Variants in TUBGCP3 observed in about 807,000 individuals in gnomAD.
The protein encoded by TUBGCP3 is gamma-tubulin complex component 3.
In TUBGCP3, 50 loss-of-function variants were observed where a neutral mutation model predicts 123.1. The ratio of observed to expected loss-of-function variants is 0.41; its 90% CI spans 0.32 to 0.51. The LOEUF is 0.51. TUBGCP3 is among the 20% of genes least tolerant of loss of function. TUBGCP3 has a pLI of 0.36. For synonymous variants in TUBGCP3, 405 were observed against 413.9 expected (o/e 0.98, Z 0.26); for missense variants, 882 against 1,127.0 (o/e 0.78, Z 3.11).
At chr13:112,506,184 G>A (rs1250675141) in intron 17 of TUBGCP3, among the ~76,000 whole-genome samples, 2 of 152,202 alleles carry the variant, frequency 1.3e-5, no homozygotes, top group Admixed American at 6.5e-5. Flanking sequence ...AAATTCATTT[G>A]TTAAAGAGAG....
intron 17 of TUBGCP3, 124 bp from the exon 18 acceptor site, chr13:112,504,838 C>A: frequency 1.3e-6 from 1 of 775,884 alleles, no homozygotes; most frequent in Non-Finnish European, 2.1e-6. Flanking sequence ...TTCTTGACCC[C>A]TTAACAGGAA....
chr13:112,597,837 C>G, the TUBGCP3 span, among the ~76,000 whole-genome samples: 1 of 151,916 alleles, frequency 6.6e-6, no homozygotes, highest in Non-Finnish European at 1.5e-5. Context: ...GCATAACATT[C>G]ATATAATTGG....
At chr13:112,560,429 CAAA>C (rs771690825) in intron 3 of TUBGCP3, among the ~76,000 whole-genome samples, 2 of 97,614 alleles carry the variant, frequency 2.0e-5, no homozygotes, top group African/African-American at 3.9e-5. Context: ...GACTCCGTCT[CAAA>C]AAAAAAAAAA....
At chr13:112,593,582 A>G in the TUBGCP3 span, among the ~76,000 whole-genome samples, 1 of 152,174 alleles carries the variant, frequency 6.6e-6, no homozygotes, top group African/African-American at 2.4e-5. Context: ...CTGAGACAGA[A>G]GAATCCTTTG....
At chr13:112,594,069 A>G in the TUBGCP3 span, among the ~76,000 whole-genome samples, 1 of 152,238 alleles carries the variant, frequency 6.6e-6, no homozygotes, top group Non-Finnish European at 1.5e-5. Flanking sequence ...GATCTGAGCC[A>G]AATGGCTTCA....
At chr13:112,506,718 C>A (rs1356558291) in intron 17 of TUBGCP3, among the ~76,000 whole-genome samples, 1 of 152,232 alleles carries the variant, frequency 6.6e-6, no homozygotes, top group African/African-American at 2.4e-5. Context: ...CTTTTCCCTA[C>A]TAAAACTATA....
rs747147460 is a variant in TUBGCP3 at position 112,554,932 on chromosome 13, G to A, written c.795C>T (p.Asn265=). The change falls in exon 7 of 22, where the codon AAC becomes AAT. Residue 265 remains asparagine (N), a synonymous_variant. Coordinates refer to ENST00000261965, the MANE Select transcript of TUBGCP3 (RefSeq NM_006322.6). ...LYVFQGIDGK[N]IKMNNTENCY... ...AATTTTCAGTGTTGTTCATTTTGAT[G>A]TTTTTGCCATCTATGCCCTGAAAGA... 3.7e-6 allele frequency: 6 copies of A among 1,613,054 alleles called. No individual in the cohort carries two copies. The highest frequency in any genetic ancestry group is 1.6e-4 in the Middle Eastern group (1 of 6,062).
At chr13:112,493,601 G>A (rs775562347) in intron 20 of TUBGCP3, among the ~76,000 whole-genome samples, 1 of 145,398 alleles carries the variant, frequency 6.9e-6, no homozygotes, top group Non-Finnish European at 1.5e-5. Context: ...GGCCTGGTGT[G>A]CCTGAGATGC....
intron 18 of TUBGCP3, 77 bp downstream of exon 18, chr13:112,504,549 T>A (rs763888305): frequency 7.4e-5 from 17 of 230,954 alleles, no homozygotes; most frequent in Non-Finnish European, 1.1e-4. Context: ...TACATACACA[T>A]ATATATATAT....
At chr13:112,532,428 G>A (rs1436724985) in intron 11 of TUBGCP3, among the ~76,000 whole-genome samples, 1 of 152,148 alleles carries the variant, frequency 6.6e-6, no homozygotes, top group Non-Finnish European at 1.5e-5. Context: ...GTAAACATTT[G>A]AATCAAGTCT....
At chr13:112,502,487 C>G (rs1029397548) in intron 19 of TUBGCP3, among the ~76,000 whole-genome samples, 3 of 151,816 alleles carry the variant, frequency 2.0e-5, no homozygotes, top group Non-Finnish European at 2.9e-5. Context: ...GATAACAAGA[C>G]CAGGGTTAGT....
intron 18 of TUBGCP3, among the ~76,000 whole-genome samples, chr13:112,504,395 G>C (rs1351238493): frequency 6.6e-6 from 1 of 151,236 alleles, no homozygotes; most frequent in African/African-American, 2.4e-5. Context: ...GTCTGAGGCA[G>C]GAGAATCGCT....
In TUBGCP3 at chr13:112,500,029, T is replaced by C. The variant is rs187319387; in HGVS notation, c.2308-844A>G. Among the ~76,000 whole-genome samples the C allele has an allele frequency of 3.9e-5, 6 of 152,168 alleles. No homozygotes were observed. The South Asian group carries it at 6.2e-4, about 16-fold the overall frequency. On this transcript the variant is annotated intron_variant, in intron 19 of 21. Transcript: ENST00000261965. ...GGCAGAGGAGGGTGGAATTGGGGTA[T>C]TGGCAGGGAAGGGGATAAAATTAAA...
intron 4 of TUBGCP3, 151 bp downstream of exon 4, chr13:112,559,171 A>G: frequency 1.6e-6 from 1 of 619,762 alleles, no homozygotes; most frequent in Admixed American, 3.9e-5. Context: ...ATGTCCTTAA[A>G]AAGAAAAAGG....
At chr13:112,555,206 C>T (rs1879926169) in intron 6 of TUBGCP3, among the ~76,000 whole-genome samples, 1 of 152,200 alleles carries the variant, frequency 6.6e-6, no homozygotes, top group African/African-American at 2.4e-5. Flanking sequence ...CCTGCTGTGC[C>T]ATGAACGCAC....
At chr13:112,578,578 A>AT (rs1161668541) in intron 1 of TUBGCP3, among the ~76,000 whole-genome samples, 1 of 148,426 alleles carries the variant, frequency 6.7e-6, no homozygotes, top group Non-Finnish European at 1.5e-5. Context: ...AAAAAAAAAA[A>AT]AAAAAAAAGA....
intron 2 of TUBGCP3, among the ~76,000 whole-genome samples, chr13:112,566,222 C>T (rs1213715909): frequency 6.6e-6 from 1 of 152,202 alleles, no homozygotes; most frequent in African/African-American, 2.4e-5. Flanking sequence ...TACAACACTG[C>T]AAACATCACC....
intron 20 of TUBGCP3, among the ~76,000 whole-genome samples, chr13:112,493,302 A>C (rs1268927241): frequency 6.7e-6 from 1 of 149,006 alleles, no homozygotes; most frequent in Admixed American, 6.7e-5. Flanking sequence ...GGTGTCCCTG[A>C]AACGCTCTAG....
At chr13:112,599,007 A>AG in the TUBGCP3 span, among the ~76,000 whole-genome samples, 1 of 151,700 alleles carries the variant, frequency 6.6e-6, no homozygotes, top group South Asian at 2.1e-4. Context: ...ACAAAAAAAA[A>AG]AGAAAGAAAA....
Sources: gnomAD v4.1 joint callset for allele counts (sites outside exome capture counted in the v4.1 genomes callset) on GRCh38, gnomAD v4.1.1 for gene constraint, MANE v1.5 for transcripts, NCBI Gene and HGNC (gene_info 2026-07-23, HGNC 2026-07-21) for gene names.